CEACAM6: variants seen among roughly 807,000 people sequenced by gnomAD.
CEACAM6 encodes cell adhesion molecule CEACAM6.
CEACAM6 carries 21 observed loss-of-function variants against 32.4 expected under a neutral mutation model. The ratio of observed to expected loss-of-function variants is 0.65; its 90% CI spans 0.46 to 0.93. The LOEUF (loss-of-function observed/expected upper bound fraction) is 0.93, where lower values mean the gene tolerates loss of function less well. CEACAM6 is among the 40% of genes least tolerant of loss of function. The probability of loss-of-function intolerance (pLI) is 0.00; values close to 1 mark genes in which losing one functional copy is unlikely to be tolerated. For missense variants in CEACAM6, 406 were observed against 432.2 expected (o/e 0.94, Z 0.54); for synonymous variants, 184 against 174.4 (o/e 1.06, Z -0.43).
At chr19:41,766,740 C>T (rs944268776) in intron 5 of CEACAM6, among the ~76,000 whole-genome samples, 15 of 152,128 alleles carry the variant, frequency 9.9e-5, no homozygotes, top group Admixed American at 1.3e-4. Context: ...GGCACAGTGG[C>T]TTATGCCTGT....
rs576498692 is a variant in CEACAM6, at chr19:41,761,265, C to T, written c.441C>T (p.Pro147=). The T allele has an allele frequency of 3.7e-6, 6 of 1,614,186 alleles. 1 individual carries two copies. In the African/African-American group the frequency reaches 6.7e-5, roughly 18 times the overall value. ...QFHVYPELPK[P]SISSNNSNPV... ...TCTGCACAGCGGAGCTGCCCAAGCC[C>T]TCCATCTCCAGCAACAACTCCAACC... The change falls in exon 3 of 6, where the codon CCC becomes CCT. Residue 147 remains proline, a synonymous_variant. Transcript: ENST00000199764.
intron 5 of CEACAM6, among the ~76,000 whole-genome samples, chr19:41,769,513 A>AT (rs1386662238): frequency 1.3e-5 from 2 of 152,122 alleles, no homozygotes; most frequent in African/African-American, 4.8e-5. Context: ...TATTTTTATG[A>AT]TTTTTTATTT....
chr19:41,761,975 C>G lies in CEACAM6; in HGVS notation c.710C>G (p.Pro237Arg). The change falls in exon 4 of 6, where the codon CCA becomes CGA. Residue 237 changes from proline (P) to arginine (R), a missense_variant. Coordinates refer to ENST00000199764, the MANE Select transcript of CEACAM6 (RefSeq NM_002483.7). ...DPVTLNVLYG[P>R]DVPTISPSKA... Reference sequence around the variant, plus strand: ...TTTATTCTGTTTCCTCCAGATGGCCCAGATGTCCCCACCATTTCCCCCTCA... The same window carrying G: ...TTTATTCTGTTTCCTCCAGATGGCCGAGATGTCCCCACCATTTCCCCCTCA... The G allele has an allele frequency of 6.2e-7, 1 of 1,613,566 alleles. No homozygotes were observed.
chr19:41,761,882 CA>C, intron 3 of CEACAM6, 86 bp from the exon 4 acceptor site: 2 of 1,517,428 alleles, frequency 1.3e-6, no homozygotes, highest in Non-Finnish European at 1.8e-6. Flanking sequence ...TGACATGGCT[CA>C]GGGGGACACC....
At chr19:41,762,338 C>T (rs972068820) in intron 4 of CEACAM6, 115 bp downstream of exon 4, 5 of 1,193,234 alleles carry the variant, frequency 4.2e-6, no homozygotes, top group Admixed American at 2.4e-5. Context: ...CACGCAAATC[C>T]CAAATTCTCC....
At chr19:41,762,329 A>G in intron 4 of CEACAM6, 106 bp downstream of exon 4, 1 of 1,319,684 alleles carries the variant, frequency 7.6e-7, no homozygotes, top group East Asian at 2.3e-5. Flanking sequence ...CAAGGGGCAC[A>G]CGCAAATCCC....
intron 5 of CEACAM6, among the ~76,000 whole-genome samples, chr19:41,769,898 T>G (rs181330417): frequency 1.2e-4 from 18 of 149,542 alleles, no homozygotes; most frequent in Non-Finnish European, 2.2e-4. Context: ...AGTTATTTGC[T>G]CAATAAAAAT....
chr19:41,756,941 G>C lies in CEACAM6; in HGVS notation c.406G>C (p.Gly136Arg). Reference protein sequence around the residue: ...KSDLVNEEATGQFHVYPELPK... With the variant: ...KSDLVNEEATRQFHVYPELPK... The stretch of plus-strand genomic sequence containing the variant: ...AGATCTTGTGAATGAAGAAGCAACC[G>C]GACAGTTCCATGTATACCGTGAGTA... Residue 136 changes from glycine to arginine, a missense_variant, in exon 2 of 6, where the codon GGA (glycine) becomes CGA (arginine). Physicochemically the swap from Gly to Arg is moderately radical, Grantham distance 125 (BLOSUM62 -2). Transcript: ENST00000199764. 1 of 1,610,428 alleles carries C rather than the reference G, an allele frequency of 6.2e-7. No individual in the cohort carries two copies. Among genetic ancestry groups the C allele is most frequent in the Non-Finnish European group, 8.5e-7 (1 of 1,177,848 alleles).
intron 2 of CEACAM6, among the ~76,000 whole-genome samples, chr19:41,760,097 A>G (rs1419701160): frequency 6.6e-6 from 1 of 152,192 alleles, no homozygotes; most frequent in African/African-American, 2.4e-5. Flanking sequence ...ATAGGTACCA[A>G]GCTGTACAGC....
chr19:41,755,702 G>T lies in CEACAM6; in HGVS notation c.64G>T (p.Ala22Ser). ...CCCCTGGAAGGAGGTCCTGCTCACA[G>T]GTGAGGGGAGGACTCCCTCGGAGTG... The part of the protein sequence containing the change: ...HVPWKEVLLT[A>S]SLLTFWNPPT... The change falls in exon 1 of 6, where the codon GCC becomes TCC. Residue 22 changes from alanine (A) to serine (S), a missense_variant and splice_region_variant. Ala to Ser is a moderately conservative substitution (Grantham distance 99). Transcript: ENST00000199764. 2 of 1,603,492 alleles carry T rather than the reference G, an allele frequency of 1.2e-6. No individual in the cohort carries two copies. The highest frequency in any genetic ancestry group is 1.7e-6 in the Non-Finnish European group (2 of 1,175,858).
Position 41,762,159 on chromosome 19 carries a change from G to C in CEACAM6, c.894G>C (p.Met298Ile). 1 of 1,614,148 alleles carries C rather than the reference G, an allele frequency of 6.2e-7. No individual in the cohort carries two copies. The highest frequency in any genetic ancestry group is 2.2e-5 in the East Asian group (1 of 44,884). The change falls in exon 4 of 6, where the codon ATG becomes ATC. Residue 298 changes from methionine to isoleucine, a missense_variant. Physicochemically the swap from Met to Ile is conservative, Grantham distance 10. Coordinates refer to ENST00000199764, the MANE Select transcript of CEACAM6 (RefSeq NM_002483.7). ...CTGTGAATAATAGCGGATCCTATAT[G>C]TGCCAAGCCCATAACTCAGCCACTG... Reference protein sequence around the residue: ...NITVNNSGSYMCQAHNSATGL... With the variant: ...NITVNNSGSYICQAHNSATGL...
intron 2 of CEACAM6, among the ~76,000 whole-genome samples, chr19:41,759,028 A>G (rs1218763385): frequency 6.6e-6 from 1 of 152,188 alleles, no homozygotes; most frequent in Non-Finnish European, 1.5e-5. Context: ...CTGACTCACC[A>G]GGCAGTCAGA....
intron 2 of CEACAM6, among the ~76,000 whole-genome samples, chr19:41,760,494 G>A (rs1280995024): frequency 6.6e-6 from 1 of 152,190 alleles, no homozygotes; most frequent in Non-Finnish European, 1.5e-5. Flanking sequence ...CGCAGAGGGA[G>A]AAGAAACATT....
intron 5 of CEACAM6, among the ~76,000 whole-genome samples, chr19:41,769,754 T>C (rs1422501186): frequency 6.7e-6 from 1 of 148,664 alleles, no homozygotes; most frequent in Non-Finnish European, 1.5e-5. Context: ...AAAATAATTA[T>C]TATTGATAAA....
Position 41,756,854 on chromosome 19 carries a change from C to T in CEACAM6, c.319C>T (p.Leu107=). 6.2e-7 allele frequency: 1 copy of T among 1,614,152 alleles called. No individual in the cohort carries two copies. Among genetic ancestry groups the T allele is most frequent in the Non-Finnish European group, 8.5e-7 (1 of 1,180,028 alleles). The change falls in exon 2 of 6, where the codon CTG becomes TTG. Residue 107 remains leucine, a synonymous_variant. Coordinates refer to ENST00000199764, the MANE Select transcript of CEACAM6 (RefSeq NM_002483.7). ...AGAGACAATATACCCCAATGCATCCCTGCTGATCCAGAACGTCACCCAGAA... is the reference window on the plus strand; with the variant it reads ...AGAGACAATATACCCCAATGCATCCTTGCTGATCCAGAACGTCACCCAGAA... ...GRETIYPNAS[L]LIQNVTQNDT...
chr19:41,764,667 A>G (rs2072946722), intron 4 of CEACAM6, among the ~76,000 whole-genome samples: 1 of 151,858 alleles, frequency 6.6e-6, no homozygotes, highest in Non-Finnish European at 1.5e-5. Context: ...AATTTTGTTG[A>G]TCTGTTTTGA....
At chr19:41,757,497 C>G (rs372349963) in intron 2 of CEACAM6, among the ~76,000 whole-genome samples, 2 of 152,260 alleles carry the variant, frequency 1.3e-5, no homozygotes, top group East Asian at 3.9e-4. Context: ...GGTCACCAGC[C>G]AGGTCCGAGC....
chr19:41,756,493 C>T (rs1486236718), intron 1 of CEACAM6, 107 bp from the exon 2 acceptor site: 21 of 1,487,360 alleles, frequency 1.4e-5, no homozygotes, highest in African/African-American at 5.8e-5. Context: ...CACACACACA[C>T]GCTCCAACGT....
intron 4 of CEACAM6, among the ~76,000 whole-genome samples, chr19:41,763,566 C>G (rs2072939791): frequency 6.6e-6 from 1 of 152,194 alleles, no homozygotes; most frequent in South Asian, 2.1e-4. Flanking sequence ...TGCTTCTGCC[C>G]TATTCACATT....
Sources: allele counts gnomAD v4.1 joint callset (sites outside exome capture counted in the v4.1 genomes callset), GRCh38; gene constraint gnomAD v4.1.1; transcripts MANE v1.5; gene names NCBI Gene and HGNC (gene_info 2026-07-23, HGNC 2026-07-21).